Variants in NAALADL2 observed in about 807,000 individuals in gnomAD.
NAALADL2 encodes inactive N-acetylated-alpha-linked acidic dipeptidase-like protein 2.
In NAALADL2, 76 loss-of-function variants were observed where a neutral mutation model predicts 87.2. The observed-to-expected ratio is 0.87, with a 90% CI of 0.72 to 1.05. NAALADL2 has a LOEUF of 1.05. Ranked by LOEUF, NAALADL2 falls within the 50% of genes least tolerant of loss-of-function variation. The probability of loss-of-function intolerance (pLI) is 0.00; values close to 1 mark genes in which losing one functional copy is unlikely to be tolerated. For missense variants in NAALADL2, 1,089 were observed against 945.8 expected (o/e 1.15, Z -1.99); for synonymous variants, 354 against 331.0 (o/e 1.07, Z -0.75).
chr3:174,469,001 G>A (rs1000975344), intron 1 of NAALADL2, among the ~76,000 whole-genome samples: 1 of 151,886 alleles, frequency 6.6e-6, no homozygotes, highest in African/African-American at 2.4e-5. Context: ...GATCTCAGGT[G>A]ATCCGCCCGC....
intron 5 of NAALADL2, among the ~76,000 whole-genome samples, chr3:175,388,519 G>T (rs1768689891): frequency 6.6e-6 from 1 of 152,028 alleles, no homozygotes; most frequent in Non-Finnish European, 1.5e-5. Context: ...GATAAAGATT[G>T]CTAATGAAAA....
chr3:175,788,757 A>G (rs1003366822), intron 13 of NAALADL2, among the ~76,000 whole-genome samples: 3 of 152,222 alleles, frequency 2.0e-5, no homozygotes, highest in African/African-American at 7.2e-5. Flanking sequence ...TATATTTCTT[A>G]GAAAACAATG....
chr3:174,608,669 C>T (rs1040728454), intron 2 of NAALADL2, among the ~76,000 whole-genome samples: 1 of 151,914 alleles, frequency 6.6e-6, no homozygotes, highest in Admixed American at 6.6e-5. Flanking sequence ...TGGCAATAAT[C>T]AATAGCTTAC....
intron 2 of NAALADL2, among the ~76,000 whole-genome samples, chr3:174,627,016 G>T (rs890744899): frequency 2.0e-5 from 3 of 152,052 alleles, no homozygotes; most frequent in Non-Finnish European, 2.9e-5. Context: ...TTTCATTCAT[G>T]CAGTACCAAT....
rs1321343462 is a variant in NAALADL2 at position 175,737,308 on chromosome 3, C to G, written c.1899C>G (p.Leu633=). 1 of 1,592,608 alleles carries G rather than the reference C, an allele frequency of 6.3e-7. No individual in the cohort carries two copies. The highest frequency in any genetic ancestry group is 1.3e-5 in the African/African-American group (1 of 74,404). ...SFNLHETITK[L]SGEVILQIAN... ...TTCTTTTTCCTTTTTTCTTTCAGCT[C>G]TCAGGAGAAGTGATTTTGCAAATTG... Residue 633 remains leucine, a splice_region_variant and synonymous_variant, in exon 12 of 14, where the codon CTC becomes CTG. Coordinates refer to ENST00000454872, the MANE Select transcript of NAALADL2 (RefSeq NM_207015.3).
In NAALADL2 at chr3:175,220,078, A is replaced by T. The variant is rs1560182602; in HGVS notation, c.546-13853A>T. On this transcript the variant is annotated intron_variant, in intron 2 of 13. Transcript: ENST00000454872. ...AATCATCCTTGCATTACTAAAACAAATGCTACCAGGTCATAATGCACTTGT... is the reference window on the plus strand; with the variant it reads ...AATCATCCTTGCATTACTAAAACAATTGCTACCAGGTCATAATGCACTTGT... Among the ~76,000 whole-genome samples the T allele has an allele frequency of 2.6e-5, 4 of 151,742 alleles. No homozygotes were observed. In the South Asian group the frequency reaches 8.3e-4, roughly 31 times the overall value.
At chr3:175,140,492 G>C (rs1580665162) in intron 2 of NAALADL2, among the ~76,000 whole-genome samples, 1 of 152,090 alleles carries the variant, frequency 6.6e-6, no homozygotes, top group Non-Finnish European at 1.5e-5. Flanking sequence ...CACCTTGAAG[G>C]GTCAAGGTTA....
chr3:174,473,832 C>T (rs770639345), intron 1 of NAALADL2, among the ~76,000 whole-genome samples: 1 of 152,024 alleles, frequency 6.6e-6, no homozygotes, highest in Admixed American at 6.6e-5. Flanking sequence ...TCCATTCTTG[C>T]GCTGCTATGA....
intron 5 of NAALADL2, among the ~76,000 whole-genome samples, chr3:175,392,463 T>C (rs1208795969): frequency 6.6e-6 from 1 of 152,204 alleles, no homozygotes. Flanking sequence ...ATCATAGCTC[T>C]TCCTCCCTTT....
intron 3 of NAALADL2, among the ~76,000 whole-genome samples, chr3:174,841,368 C>G (rs1229493556): frequency 2.0e-5 from 3 of 152,190 alleles, no homozygotes; most frequent in Admixed American, 6.5e-5. Context: ...TTTACCTCAG[C>G]TTCACCTTAG....
At chr3:174,972,184 C>G (rs1743778215) in intron 1 of NAALADL2, among the ~76,000 whole-genome samples, 1 of 152,080 alleles carries the variant, frequency 6.6e-6, no homozygotes, top group South Asian at 2.1e-4. Context: ...ATCTAGAGAC[C>G]AGTTCAGTAT....
chr3:174,681,039 T>C (rs1327688989), intron 2 of NAALADL2, among the ~76,000 whole-genome samples: 2 of 151,468 alleles, frequency 1.3e-5, no homozygotes, highest in East Asian at 1.9e-4. Context: ...GGAGGGAGAG[T>C]GTACTAATTG....
At chr3:175,046,503 G>A (rs1754688848) in intron 1 of NAALADL2, among the ~76,000 whole-genome samples, 1 of 152,126 alleles carries the variant, frequency 6.6e-6, no homozygotes, top group Non-Finnish European at 1.5e-5. Context: ...ACAAGTGGCA[G>A]TCATTTCATC....
chr3:174,749,747 G>C (rs935013855), intron 3 of NAALADL2, among the ~76,000 whole-genome samples: 1 of 152,100 alleles, frequency 6.6e-6, no homozygotes, highest in South Asian at 2.1e-4. Flanking sequence ...CTCACCCTAA[G>C]ACTGGTAGAT....
chr3:175,434,489 G>A (rs1470124692), intron 5 of NAALADL2, among the ~76,000 whole-genome samples: 1 of 151,956 alleles, frequency 6.6e-6, no homozygotes, highest in Non-Finnish European at 1.5e-5. Context: ...CAGGGAAGCA[G>A]GGGTTAATTA....
chr3:174,989,866 C>G lies in NAALADL2; in HGVS notation c.44-106924C>G, dbSNP rs1290743029. Among the ~76,000 whole-genome samples, 8 of 152,176 alleles carry G rather than the reference C, an allele frequency of 5.3e-5. No individual in the cohort carries two copies. The East Asian group carries it at 1.5e-3, about 29-fold the overall frequency. On this transcript the variant is annotated intron_variant, in intron 1 of 13. Coordinates refer to ENST00000454872, the MANE Select transcript of NAALADL2 (RefSeq NM_207015.3). ...ATGGAAAACTAAGCAAAATGGTAATCTGCATATATAGTAAGGAGATAGTAC... is the reference window on the plus strand; with the variant it reads ...ATGGAAAACTAAGCAAAATGGTAATGTGCATATATAGTAAGGAGATAGTAC...
chr3:174,992,706 A>T (rs1236403236), intron 1 of NAALADL2, among the ~76,000 whole-genome samples: 1 of 152,150 alleles, frequency 6.6e-6, no homozygotes, highest in East Asian at 1.9e-4. Context: ...ATGATATTAA[A>T]GTGTGGAAAT....
intron 1 of NAALADL2, among the ~76,000 whole-genome samples, chr3:174,861,487 A>G (rs1579245946): frequency 6.6e-6 from 1 of 152,256 alleles, no homozygotes; most frequent in East Asian, 1.9e-4. Flanking sequence ...CATTTATAAA[A>G]AATTCTGAGG....
At chr3:175,201,624 G>T in intron 2 of NAALADL2, among the ~76,000 whole-genome samples, 1 of 152,062 alleles carries the variant, frequency 6.6e-6, no homozygotes, top group Non-Finnish European at 1.5e-5. Flanking sequence ...TCCAAGAACA[G>T]AACTATATTT....
Sources: allele counts gnomAD v4.1 joint callset (sites outside exome capture counted in the v4.1 genomes callset), GRCh38; gene constraint gnomAD v4.1.1; transcripts MANE v1.5; gene names NCBI Gene and HGNC (gene_info 2026-07-23, HGNC 2026-07-21).